LRRC34: variants seen among roughly 807,000 people sequenced by gnomAD.
The protein encoded by LRRC34 is leucine-rich repeat-containing protein 34.
LRRC34 carries 44 observed loss-of-function variants against 48.5 expected under a neutral mutation model. The ratio of observed to expected loss-of-function variants is 0.91; its 90% confidence interval spans 0.71 to 1.17. The LOEUF (loss-of-function observed/expected upper bound fraction) is 1.17, where lower values mean the gene tolerates loss of function less well. Among genes scored for constraint, LRRC34 ranks in the 50% most tolerant of loss-of-function variants. LRRC34 has a pLI of 0.00. For synonymous variants in LRRC34, 192 were observed against 197.6 expected, an observed-to-expected ratio of 0.97 and a Z score of 0.24; for missense variants, 502 against 563.0, an observed-to-expected ratio of 0.89 and a Z score of 1.10.
chr3:169,803,312 T>C (rs1779260701), intron 6 of LRRC34, among the ~76,000 whole-genome samples: 1 of 152,208 alleles, frequency 6.6e-6, no homozygotes, highest in Admixed American at 6.5e-5. Flanking sequence ...ACTCCTGGGC[T>C]CAAGAGATTC....
At chr3:169,796,610 A>C in intron 8 of LRRC34, 135 bp downstream of exon 8, 1 of 1,024,912 alleles carries the variant, frequency 9.8e-7, no homozygotes, top group East Asian at 2.8e-5. Context: ...AGCTTAGGAC[A>C]AAGGATTGAC....
At chr3:169,809,199 CTTTTTTTTTTT>C (rs35059929) in intron 1 of LRRC34, among the ~76,000 whole-genome samples, 1 of 113,364 alleles carries the variant, frequency 8.8e-6, no homozygotes, top group Non-Finnish European at 1.9e-5. Flanking sequence ...CTCAAGGTTT[CTTTTTTTTTTT>C]TTTTTTTTTC....
intron 1 of LRRC34, among the ~76,000 whole-genome samples, chr3:169,810,993 G>A (rs1779543286): frequency 6.6e-6 from 1 of 152,188 alleles, no homozygotes; most frequent in African/African-American, 2.4e-5. Flanking sequence ...GAATGCGGGA[G>A]GTGGAGGTTA....
In LRRC34 at chr3:169,812,578, T is replaced by C; in HGVS notation, c.-30A>G. On this transcript the variant is annotated 5_prime_UTR_variant, in exon 1 of 11. Coordinates refer to ENST00000446859, the MANE Select transcript of LRRC34 (RefSeq NM_001172779.2). This position sits in a 1 kb window ranked among gnomAD's most constrained non-coding sequence, Gnocchi z 4.3. ...ACCGCGCGCGCACTTACAGTCCGCC[T>C]GCAGCTGTGAGGCGGCTACACGAGC... 6.9e-7 allele frequency: 1 copy of C among 1,453,414 alleles called. No individual in the cohort carries two copies. The highest frequency in any genetic ancestry group is 1.5e-5 in the African/African-American group (1 of 67,952). 90.0% of individuals were successfully genotyped at this position (1,453,414 alleles called of 1,614,324 possible).
chr3:169,811,129 C>A (rs944276726), intron 1 of LRRC34, among the ~76,000 whole-genome samples: 4 of 152,190 alleles, frequency 2.6e-5, no homozygotes, highest in Admixed American at 6.5e-5. Context: ...GCTGCTTTAG[C>A]GTCCTCCCCA....
chr3:169,806,843 CT>C lies in LRRC34; in HGVS notation c.528+4del. The C allele has an allele frequency of 6.4e-7, 1 of 1,569,294 alleles. No homozygotes were observed. The highest frequency in any genetic ancestry group is 8.7e-7 in the Non-Finnish European group (1 of 1,144,416). On this transcript the variant is annotated splice_donor_region_variant and intron_variant, in intron 5 of 10. Coordinates refer to ENST00000446859, the MANE Select transcript of LRRC34 (RefSeq NM_001172779.2). ...AATGTTAGTTTGAAATACATAAATG[CT>C]TACATGTAGCACTTTAGCAATCAAT...
rs754529374 is a variant in LRRC34 at position 169,793,622 on chromosome 3, T to C, written c.*13A>G. ...TAAGACAAGTGTATGAAAATTATTT[T>C]ACAGCTACTTTTTCATGGCTGTTGA... On this transcript the variant is annotated 3_prime_UTR_variant, in exon 11 of 11. Coordinates refer to ENST00000446859, the MANE Select transcript of LRRC34 (RefSeq NM_001172779.2). The C allele has an allele frequency of 4.0e-5, 63 of 1,579,950 alleles. No homozygotes were observed. The highest frequency in any genetic ancestry group is 5.3e-5 in the Non-Finnish European group (61 of 1,152,352).
At chr3:169,811,711 A>C (rs545074556) in intron 1 of LRRC34, among the ~76,000 whole-genome samples, 1 of 152,350 alleles carries the variant, frequency 6.6e-6, no homozygotes, top group Admixed American at 6.5e-5. Flanking sequence ...AGCGATAAGC[A>C]TGAGTCAGAA....
intron 9 of LRRC34, 147 bp downstream of exon 9, chr3:169,796,067 T>C (rs1394732726): frequency 1.5e-6 from 2 of 1,317,446 alleles, no homozygotes; most frequent in Non-Finnish European, 1.9e-6. Flanking sequence ...AAAATAGAAA[T>C]GTAAATGTTT....
At position 169,804,033 on chromosome 3, in the gene LRRC34, C is replaced by T. The variant is rs1353549387; in HGVS notation, c.657+20G>A. ...AATGACCCACTATCTGGATGATTTT[C>T]TCATAACCAGTTTACTCACCAGATC... On this transcript the variant is annotated intron_variant, in intron 6 of 10. Coordinates refer to ENST00000446859, the MANE Select transcript of LRRC34 (RefSeq NM_001172779.2). 2.6e-6 allele frequency: 4 copies of T among 1,546,388 alleles called. No individual in the cohort carries two copies. Among genetic ancestry groups the T allele is most frequent in the Non-Finnish European group, 3.5e-6 (4 of 1,144,402 alleles).
chr3:169,795,678 G>A (rs960133599), intron 9 of LRRC34, 67 bp from the exon 10 acceptor site: 1 of 1,555,126 alleles, frequency 6.4e-7, no homozygotes, highest in South Asian at 1.2e-5. Context: ...ACACTTTCTT[G>A]TGTAGTCTTA....
intron 7 of LRRC34, among the ~76,000 whole-genome samples, chr3:169,800,085 G>A (rs1779138153): frequency 6.6e-6 from 1 of 152,122 alleles, no homozygotes; most frequent in Admixed American, 6.5e-5. Flanking sequence ...TTAGATATAT[G>A]TTTTTGTTTA....
At chr3:169,811,976 A>G (rs561577334) in intron 1 of LRRC34, among the ~76,000 whole-genome samples, 1 of 152,282 alleles carries the variant, frequency 6.6e-6, no homozygotes, top group South Asian at 2.1e-4. Context: ...AGAAATATTT[A>G]AAACGGAGAT....
chr3:169,793,790 C>A lies in LRRC34; in HGVS notation c.1240G>T (p.Asp414Tyr), dbSNP rs1295703131. The stretch of plus-strand genomic sequence containing the variant: ...CCATCTACCACAAATGGCTCCACAT[C>A]TGTATTGTCTGGTTTTAGACAACCC... ...QMGCLKPDNT[D>Y]VEPFVVDGRV... is the part of the protein sequence containing the mutation. The change falls in exon 11 of 11, where the codon GAT becomes TAT. Residue 414 changes from aspartate to tyrosine, a missense_variant. By Grantham distance (160) the Asp-to-Tyr change is radical. Transcript: ENST00000446859. 1 of 1,613,600 alleles carries A rather than the reference C, an allele frequency of 6.2e-7. No individual in the cohort carries two copies. The highest frequency in any genetic ancestry group is 1.7e-5 in the Admixed American group (1 of 59,956).
chr3:169,804,295 C>T, intron 5 of LRRC34, 114 bp from the exon 6 acceptor site: 1 of 835,538 alleles, frequency 1.2e-6, no homozygotes, highest in South Asian at 2.6e-5. Context: ...GGAGCTAGAA[C>T]ACGATATATA....
intron 9 of LRRC34, chr3:169,795,826 T>C (rs1778966077): frequency 4.9e-6 from 6 of 1,226,328 alleles, no homozygotes; most frequent in Non-Finnish European, 6.1e-6. Context: ...TCTTCTGTTT[T>C]ATATTATTCA....
chr3:169,808,031 G>A (rs977238809), intron 2 of LRRC34: 1 of 215,504 alleles, frequency 4.6e-6, no homozygotes, highest in Non-Finnish European at 9.0e-6. Flanking sequence ...ACCCAGCTCA[G>A]GTTAGGCGTG....
In LRRC34 at chr3:169,796,875, G is replaced by T. The variant is rs778622188; in HGVS notation, c.778C>A (p.Arg260Ser). ...AGACAGTGATTTTCTTTCAACATGC[G>T]GCCTACATGGACTGTAGACTCTTCC... is the stretch of plus-strand genomic sequence containing the variant. ...EQEESTVHVG[R>S]MLKENHCLVA... Residue 260 changes from arginine (R) to serine (S), a missense_variant, in exon 8 of 11, where the codon CGC becomes AGC. Coordinates refer to ENST00000446859, the MANE Select transcript of LRRC34 (RefSeq NM_001172779.2). The T allele has an allele frequency of 6.2e-7, 1 of 1,605,170 alleles. No individual in the cohort carries two copies. The highest frequency in any genetic ancestry group is 1.1e-5 in the South Asian group (1 of 89,484).
intron 7 of LRRC34, among the ~76,000 whole-genome samples, chr3:169,798,932 T>C (rs1779090713): frequency 6.6e-6 from 1 of 152,170 alleles, no homozygotes; most frequent in African/African-American, 2.4e-5. Context: ...AAGTGCTATG[T>C]AATTTATTTG....
Sources: allele counts gnomAD v4.1 joint callset (sites outside exome capture counted in the v4.1 genomes callset), GRCh38; gene constraint gnomAD v4.1.1; non-coding constraint Gnocchi (gnomAD v3.1); transcripts MANE v1.5; gene names NCBI Gene and HGNC (gene_info 2026-07-23, HGNC 2026-07-21).